The following BAZ2B variants were observed in gnomAD, a reference collection of about 807,000 sequenced individuals.
BAZ2B encodes the protein bromodomain adjacent to zinc finger domain 2B.
Under a neutral mutation model 246.0 loss-of-function variants are expected in BAZ2B, and 91 were observed. That is an observed-to-expected ratio of 0.37 (90% confidence interval 0.31 to 0.44). The LOEUF is 0.44. BAZ2B is among the 20% of genes least tolerant of loss of function. The probability of loss-of-function intolerance (pLI) is 1.00; values close to 1 mark genes in which losing one functional copy is unlikely to be tolerated. For synonymous variants in BAZ2B, 855 were observed against 860.0 expected, an observed-to-expected ratio of 0.99 and a Z score of 0.10; for missense variants, 2,332 against 2,533.7, an observed-to-expected ratio of 0.92 and a Z score of 1.71.
intron 1 of BAZ2B, among the ~76,000 whole-genome samples, chr2:159,599,170 C>T (rs1488665639): frequency 1.3e-5 from 2 of 152,146 alleles, no homozygotes; most frequent in Non-Finnish European, 2.9e-5. Flanking sequence ...TATTTGAGAA[C>T]GATGCTTACT....
intron 28 of BAZ2B, 64 bp from the exon 29 acceptor site, chr2:159,349,344 G>T: frequency 7.0e-7 from 1 of 1,423,586 alleles, no homozygotes; most frequent in Non-Finnish European, 9.3e-7. Context: ...AAAAATGTTT[G>T]GAATATGAAA....
In BAZ2B at chr2:159,366,913, T is replaced by TCAG. The variant is rs540353733; in HGVS notation, c.4213+6129_4213+6131dup. On this transcript the variant is annotated intron_variant, in intron 27 of 36. Transcript: ENST00000392783. ...TATATCTAGTGAGCCACACCAAGGG[T>TCAG]CAGGGGGTGGACTGAGAAGGAATAA... Among the ~76,000 whole-genome samples the TCAG allele has an allele frequency of 3.4e-3, 520 of 152,194 alleles. 1 individual carries two copies. Among genetic ancestry groups the TCAG allele is most frequent in the African/African-American group, 0.012 (493 of 41,512 alleles).
chr2:159,376,636 T>G (rs920639876), intron 25 of BAZ2B, among the ~76,000 whole-genome samples: 1 of 152,218 alleles, frequency 6.6e-6, no homozygotes, highest in African/African-American at 2.4e-5. Context: ...GATCTTCTGA[T>G]CAGCAGGACA....
chr2:159,678,030 T>C, the BAZ2B span, among the ~76,000 whole-genome samples: 1 of 152,176 alleles, frequency 6.6e-6, no homozygotes, highest in Non-Finnish European at 1.5e-5. Flanking sequence ...GAAATACTAT[T>C]ATGTTACCTA....
At chr2:159,695,381 T>C in the BAZ2B span, 1 of 152,088 alleles carries the variant, frequency 6.6e-6, no homozygotes, top group African/African-American at 2.4e-5. Flanking sequence ...GTCCAATTTA[T>C]CTAGTTTTCT....
chr2:159,642,157 T>C, the BAZ2B span, among the ~76,000 whole-genome samples: 1 of 152,174 alleles, frequency 6.6e-6, no homozygotes, highest in Non-Finnish European at 1.5e-5. Flanking sequence ...ACATTGAATT[T>C]TGACGAGAAT....
the BAZ2B span, among the ~76,000 whole-genome samples, chr2:159,633,459 G>C: frequency 2.2e-4 from 34 of 152,288 alleles, no homozygotes; most frequent in Middle Eastern, 3.4e-3. Flanking sequence ...ATTAAACCAT[G>C]TTTGCATCAT....
intron 2 of BAZ2B, among the ~76,000 whole-genome samples, chr2:159,555,067 GGGGTGTGTGT>G (rs2088891473): frequency 1.1e-5 from 1 of 88,260 alleles, no homozygotes; most frequent in Admixed American, 9.5e-5. Context: ...GTGTATGTGG[GGGGTGTGTGT>G]GTGTGTGTGT....
At chr2:159,673,605 A>G in the BAZ2B span, among the ~76,000 whole-genome samples, 4 of 152,232 alleles carry the variant, frequency 2.6e-5, no homozygotes, top group Non-Finnish European at 4.4e-5. Flanking sequence ...AAAAACACAT[A>G]AATGCTCTTA....
intron 36 of BAZ2B, among the ~76,000 whole-genome samples, chr2:159,323,726 C>T (rs1469683309): frequency 6.6e-6 from 1 of 151,728 alleles, no homozygotes; most frequent in Non-Finnish European, 1.5e-5. Context: ...ATCACTTGAA[C>T]CCGGGAGGCA....
At chr2:159,480,509 A>T (rs1234309670) in intron 2 of BAZ2B, among the ~76,000 whole-genome samples, 3 of 152,116 alleles carry the variant, frequency 2.0e-5, no homozygotes, top group Non-Finnish European at 4.4e-5. Context: ...TGCTTAATGG[A>T]TATTACTTTC....
chr2:159,483,786 A>G (rs1033785215), intron 2 of BAZ2B, among the ~76,000 whole-genome samples: 4 of 152,196 alleles, frequency 2.6e-5, no homozygotes, highest in African/African-American at 9.6e-5. Flanking sequence ...GTCTCAAACA[A>G]AAACAAAACC....
intron 1 of BAZ2B, among the ~76,000 whole-genome samples, chr2:159,581,143 G>T (rs1233171726): frequency 6.6e-6 from 1 of 151,900 alleles, no homozygotes; most frequent in Non-Finnish European, 1.5e-5. Flanking sequence ...CTACAGAATG[G>T]GAGAAAATTT....
intron 2 of BAZ2B, among the ~76,000 whole-genome samples, chr2:159,525,363 CA>C (rs375059503): frequency 3.0e-4 from 45 of 152,242 alleles, no homozygotes; most frequent in African/African-American, 1.1e-3. Flanking sequence ...CTATAACACG[CA>C]AGAGTTAATA....
chr2:159,574,485 A>T (rs1684812925), intron 1 of BAZ2B, among the ~76,000 whole-genome samples: 1 of 152,140 alleles, frequency 6.6e-6, no homozygotes, highest in South Asian at 2.1e-4. Context: ...AATAAGTTAA[A>T]CAGAGTTATG....
rs1406759039 is a variant in BAZ2B at position 159,389,431 on chromosome 2, G to T, written c.3130C>A (p.Arg1044Ser). 1 of 1,610,538 alleles carries T rather than the reference G, an allele frequency of 6.2e-7. No homozygotes were observed. The highest frequency in any genetic ancestry group is 1.7e-5 in the Admixed American group (1 of 59,616). The change falls in exon 21 of 37, where the codon CGT (arginine) becomes AGT (serine). Residue 1044 changes from arginine (R) to serine (S), a missense_variant. This residue lies in a region of BAZ2B where 328 missense variants were observed against 410.4 expected (regional missense o/e 0.80). Coordinates refer to ENST00000392783, the MANE Select transcript of BAZ2B (RefSeq NM_013450.4). Reference protein sequence around the residue: ...KRDEKRLNKERKLEQRRLELE... With the variant: ...KRDEKRLNKESKLEQRRLELE... ...TCTAATCTTCGCTGCTCTAGTTTAC[G>T]CTCTTTATTTAATCTTTTCTCATCA... is the stretch of plus-strand genomic sequence containing the variant.
chr2:159,524,980 G>A (rs1270542029), intron 2 of BAZ2B, among the ~76,000 whole-genome samples: 2 of 152,034 alleles, frequency 1.3e-5, no homozygotes, highest in Non-Finnish European at 2.9e-5. Flanking sequence ...GAGCCCAGGA[G>A]TTCCAGACCA....
chr2:159,682,263 C>A, the BAZ2B span, among the ~76,000 whole-genome samples: 1 of 148,386 alleles, frequency 6.7e-6, no homozygotes, highest in Non-Finnish European at 1.5e-5. Flanking sequence ...CTCACTGTAG[C>A]CTCCATCTCT....
chr2:159,405,137 G>T (rs763839245), intron 14 of BAZ2B, 23 bp from the exon 15 acceptor site: 2 of 1,604,160 alleles, frequency 1.2e-6, no homozygotes, highest in Admixed American at 3.3e-5. Context: ...AAATTTCAAA[G>T]AATATTAACA....
Sources: allele counts gnomAD v4.1 joint callset (sites outside exome capture counted in the v4.1 genomes callset), GRCh38; gene constraint gnomAD v4.1.1; regional missense constraint gnomAD v4.1.1; transcripts MANE v1.5; gene names NCBI Gene and HGNC (gene_info 2026-07-23, HGNC 2026-07-21).